FANCD2: variants seen among roughly 807,000 people sequenced by gnomAD.
FANCD2 encodes Fanconi anemia group D2 protein.
A neutral mutation model predicts 192.3 loss-of-function variants in FANCD2; 131 were observed. The ratio of observed to expected loss-of-function variants is 0.68; its 90% confidence interval spans 0.59 to 0.79. The LOEUF (loss-of-function observed/expected upper bound fraction) is 0.79, where lower values mean the gene tolerates loss of function less well. FANCD2 is among the 30% of genes least tolerant of loss of function. FANCD2 has a pLI of 0.00. For synonymous variants in FANCD2, 524 were observed against 612.5 expected, an observed-to-expected ratio of 0.86 and a Z score of 2.13; for missense variants, 1,508 against 1,701.6, an observed-to-expected ratio of 0.89 and a Z score of 2.00.
intron 14 of FANCD2, among the ~76,000 whole-genome samples, chr3:10,044,269 C>G (rs2086941174): frequency 6.6e-6 from 1 of 152,168 alleles, no homozygotes; most frequent in Non-Finnish European, 1.5e-5. Flanking sequence ...TTTTACTTTA[C>G]TTTGCTCATG....
chr3:10,099,682 T>TG (rs1481299742), intron 43 of FANCD2: 1 of 152,892 alleles, frequency 6.5e-6, no homozygotes, highest in Non-Finnish European at 1.5e-5. Flanking sequence ...CACTTGAACC[T>TG]GGGAGGTGGA....
intron 18 of FANCD2, among the ~76,000 whole-genome samples, chr3:10,053,208 A>G (rs1282449606): frequency 2.0e-5 from 3 of 150,638 alleles, no homozygotes; most frequent in Non-Finnish European, 4.4e-5. Flanking sequence ...ATAAAAAATG[A>G]TGAGTTCATG....
intron 18 of FANCD2, among the ~76,000 whole-genome samples, chr3:10,054,429 G>T (rs1307358325): frequency 2.1e-5 from 1 of 48,036 alleles, no homozygotes; most frequent in Non-Finnish European, 3.1e-5. Context: ...ATATATACAT[G>T]TATATACATG....
chr3:10,028,332 G>T (rs1255113608), intron 1 of FANCD2, among the ~76,000 whole-genome samples: 1 of 152,192 alleles, frequency 6.6e-6, no homozygotes, highest in African/African-American at 2.4e-5. Flanking sequence ...TTAAAGGACA[G>T]GTACGTTGGG....
intron 34 of FANCD2, 114 bp downstream of exon 34, chr3:10,087,378 C>T: frequency 1.0e-6 from 1 of 964,926 alleles, no homozygotes; most frequent in South Asian, 1.5e-5. Context: ...CCCACATAAC[C>T]TTGGATAGGC....
At chr3:10,074,457 T>G (rs924686155) in intron 28 of FANCD2, 73 bp from the exon 29 acceptor site, 2 of 1,369,110 alleles carry the variant, frequency 1.5e-6, no homozygotes, top group Non-Finnish European at 2.0e-6. Context: ...TATTTGTACT[T>G]TGAAGTTTTT....
At chr3:10,053,406 T>A (rs1287812026) in intron 18 of FANCD2, among the ~76,000 whole-genome samples, 1 of 151,410 alleles carries the variant, frequency 6.6e-6, no homozygotes, top group South Asian at 2.1e-4. Context: ...AGGGATAGCA[T>A]TGGGAGATAC....
At chr3:10,066,378 C>G (rs977317403) in intron 25 of FANCD2, among the ~76,000 whole-genome samples, 2 of 152,176 alleles carry the variant, frequency 1.3e-5, no homozygotes, top group African/African-American at 4.8e-5. Flanking sequence ...CTCTACCTCA[C>G]TGTCTTCCTC....
chr3:10,036,448 A>T (rs1488185515), intron 7 of FANCD2, 109 bp downstream of exon 7: 5 of 837,152 alleles, frequency 6.0e-6, no homozygotes, highest in Non-Finnish European at 9.8e-6. Flanking sequence ...ATTTATCATT[A>T]TATTTCTTAA....
At chr3:10,046,082 C>T (rs2086998973) in intron 14 of FANCD2, among the ~76,000 whole-genome samples, 2 of 94,566 alleles carry the variant, frequency 2.1e-5, no homozygotes, top group African/African-American at 6.0e-5. Context: ...AGAATGGAAT[C>T]TCGCTCTCTC....
intron 32 of FANCD2, among the ~76,000 whole-genome samples, chr3:10,082,936 T>C (rs1170037398): frequency 2.0e-5 from 3 of 152,126 alleles, no homozygotes; most frequent in Non-Finnish European, 4.4e-5. Context: ...CAAATAAACA[T>C]GTGAAAGGGG....
intron 7 of FANCD2, among the ~76,000 whole-genome samples, chr3:10,036,954 G>C (rs1255015499): frequency 6.6e-6 from 1 of 151,600 alleles, no homozygotes; most frequent in Non-Finnish European, 1.5e-5. Context: ...TCACACCTCA[G>C]CATCATGAGT....
rs1452379242 is a variant in FANCD2 at position 10,096,420 on chromosome 3, A to G, written c.4133A>G (p.Asn1378Ser). 6 of 1,614,010 alleles carry G rather than the reference A, an allele frequency of 3.7e-6. No individual in the cohort carries two copies. Among genetic ancestry groups the G allele is most frequent in the South Asian group, 3.3e-5 (3 of 91,082 alleles). Reference protein sequence around the residue: ...VCRVKAMLTLNNCREAFWLGN... With the variant: ...VCRVKAMLTLSNCREAFWLGN... Reference sequence around the variant, plus strand: ...AGAGTCAAAGCTATGCTCACTCTCAACAATTGTAGAGAGGCTTTCTGGCTG... The same window carrying G: ...AGAGTCAAAGCTATGCTCACTCTCAGCAATTGTAGAGAGGCTTTCTGGCTG... Residue 1378 changes from asparagine to serine, a missense_variant, in exon 42 of 44, where the codon AAC becomes AGC. By Grantham distance (46) the Asn-to-Ser change is conservative (BLOSUM62 1). Around this residue, in one of 5 missense-constraint regions of FANCD2, gnomAD observed 796 missense variants for 879.4 expected, o/e 0.91. Transcript: ENST00000675286.
At chr3:10,057,626 G>A (rs1441581695) in intron 18 of FANCD2, among the ~76,000 whole-genome samples, 1 of 152,108 alleles carries the variant, frequency 6.6e-6, no homozygotes, top group Non-Finnish European at 1.5e-5. Context: ...GCCCCTCAAA[G>A]TGCTGTGATT....
chr3:10,065,325 A>G (rs1408801638), intron 23 of FANCD2, 69 bp from the exon 24 acceptor site: 2 of 1,017,998 alleles, frequency 2.0e-6, no homozygotes, highest in Non-Finnish European at 3.1e-6. Flanking sequence ...ATGTGGAGTA[A>G]TATCTCCCTA....
chr3:10,067,791 C>G (rs1284339593), intron 26 of FANCD2, among the ~76,000 whole-genome samples: 1 of 152,034 alleles, frequency 6.6e-6, no homozygotes, highest in South Asian at 2.1e-4. Flanking sequence ...GAGCGAGACT[C>G]CCATCTCAAA....
chr3:10,081,613 T>TA, intron 32 of FANCD2, 149 bp downstream of exon 32: 1 of 751,492 alleles, frequency 1.3e-6, no homozygotes. Flanking sequence ...TTTTTGTCTG[T>TA]ATTATTTCAT....
At chr3:10,088,652 G>A (rs1694386807) in intron 35 of FANCD2, 110 bp downstream of exon 35, 2 of 1,079,964 alleles carry the variant, frequency 1.9e-6, no homozygotes, top group South Asian at 1.3e-5. Flanking sequence ...TGAAAACAAT[G>A]AAGTAGGTTA....
chr3:10,087,279 T>TC lies in FANCD2; in HGVS notation c.3466+17dup, dbSNP rs2125073171. ...AGAAAAAATTGGTGATGGGCCTAGATCCTTTTTTTTTTTTTTTTTTTAATG... is the reference window on the plus strand; with the variant it reads ...AGAAAAAATTGGTGATGGGCCTAGATCCCTTTTTTTTTTTTTTTTTTTAATG... On this transcript the variant is annotated intron_variant, in intron 34 of 43. Transcript: ENST00000675286. 2.0e-6 allele frequency: 3 copies of TC among 1,512,026 alleles called. No homozygotes were observed. In the African/African-American group the frequency reaches 4.7e-5, roughly 24 times the overall value. 93.7% of individuals were successfully genotyped at this position (1,512,026 alleles called of 1,614,324 possible).
Sources: gnomAD v4.1 joint callset for allele counts (sites outside exome capture counted in the v4.1 genomes callset) on GRCh38, gnomAD v4.1.1 for gene constraint, gnomAD v4.1.1 regional missense constraint, MANE v1.5 for transcripts, NCBI Gene and HGNC (gene_info 2026-07-23, HGNC 2026-07-21) for gene names.